Variants in NELL1 observed in about 807,000 individuals in gnomAD.
The protein encoded by NELL1 is protein kinase C-binding protein NELL1.
NELL1 carries 76 observed loss-of-function variants against 107.4 expected under a neutral mutation model. The ratio of observed to expected loss-of-function variants is 0.71; its 90% CI spans 0.59 to 0.86. The LOEUF (loss-of-function observed/expected upper bound fraction) is 0.86, where lower values mean the gene tolerates loss of function less well. NELL1 is among the 40% of genes least tolerant of loss of function. The probability of loss-of-function intolerance (pLI) is 0.00; values close to 1 mark genes in which losing one functional copy is unlikely to be tolerated. For missense variants in NELL1, 1,024 were observed against 1,005.5 expected (o/e 1.02, Z -0.25); for synonymous variants, 353 against 341.2 (o/e 1.03, Z -0.38).
chr11:21,497,789 G>C (rs1017573912), intron 15 of NELL1, among the ~76,000 whole-genome samples: 16 of 152,010 alleles, frequency 1.1e-4, no homozygotes, highest in African/African-American at 3.4e-4. Context: ...ATTTATGTCA[G>C]ATTCTACTTG....
chr11:20,961,089 C>T (rs1224507229), intron 12 of NELL1, among the ~76,000 whole-genome samples: 1 of 152,120 alleles, frequency 6.6e-6, no homozygotes, highest in Non-Finnish European at 1.5e-5. Flanking sequence ...TGGAGGGACT[C>T]ATAACTTTGG....
intron 2 of NELL1, among the ~76,000 whole-genome samples, chr11:20,734,534 T>C (rs1296989747): frequency 1.3e-5 from 2 of 152,016 alleles, no homozygotes; most frequent in Non-Finnish European, 2.9e-5. Flanking sequence ...GACAACAGGA[T>C]GGATTGGATG....
chr11:20,910,966 T>C (rs1214811420), intron 5 of NELL1, among the ~76,000 whole-genome samples: 1 of 152,236 alleles, frequency 6.6e-6, no homozygotes, highest in African/African-American at 2.4e-5. Flanking sequence ...CACATAAAAA[T>C]GCATTTCTTG....
intron 14 of NELL1, among the ~76,000 whole-genome samples, chr11:21,351,019 G>A (rs1250800043): frequency 6.6e-6 from 1 of 151,992 alleles, no homozygotes; most frequent in African/African-American, 2.4e-5. Context: ...TCCAATTACT[G>A]GTATAATTGG....
intron 2 of NELL1, among the ~76,000 whole-genome samples, chr11:20,682,998 GTATT>G (rs1854226102): frequency 1.3e-5 from 2 of 151,956 alleles, no homozygotes; most frequent in South Asian, 4.2e-4. Context: ...TTTCATCAGC[GTATT>G]TAGACTATTT....
intron 6 of NELL1, among the ~76,000 whole-genome samples, chr11:20,918,547 C>T (rs1212396412): frequency 1.3e-5 from 2 of 151,908 alleles, no homozygotes; most frequent in Admixed American, 6.6e-5. Flanking sequence ...GGGGAGGCCT[C>T]GCAATCATAG....
At chr11:21,111,553 T>C (rs1341739781) in intron 12 of NELL1, among the ~76,000 whole-genome samples, 1 of 152,110 alleles carries the variant, frequency 6.6e-6, no homozygotes, top group Non-Finnish European at 1.5e-5. Context: ...TGCTTGCTTA[T>C]GCAACAGGTA....
chr11:21,529,896 T>G (rs1294769478), intron 15 of NELL1, among the ~76,000 whole-genome samples: 1 of 152,182 alleles, frequency 6.6e-6, no homozygotes, highest in Non-Finnish European at 1.5e-5. Flanking sequence ...CAAAGACTTG[T>G]GAAATCTAAA....
intron 15 of NELL1, among the ~76,000 whole-genome samples, chr11:21,400,497 C>G (rs1013330079): frequency 6.6e-6 from 1 of 151,772 alleles, no homozygotes; most frequent in Non-Finnish European, 1.5e-5. Flanking sequence ...TTGAATTTGA[C>G]CCACAACTCC....
chr11:21,172,192 G>A (rs1024648286), intron 13 of NELL1, among the ~76,000 whole-genome samples: 2 of 151,770 alleles, frequency 1.3e-5, no homozygotes, highest in African/African-American at 2.4e-5. Flanking sequence ...TGTCTCCTCA[G>A]CTCCTTCCAA....
chr11:20,800,785 C>T (rs531475000), intron 3 of NELL1, among the ~76,000 whole-genome samples: 1 of 152,232 alleles, frequency 6.6e-6, no homozygotes, highest in African/African-American at 2.4e-5. Flanking sequence ...ATGCAGCCTG[C>T]AGGGCAGGAA....
intron 13 of NELL1, among the ~76,000 whole-genome samples, chr11:21,152,531 G>A (rs897524745): frequency 2.0e-5 from 3 of 152,108 alleles, no homozygotes; most frequent in Non-Finnish European, 2.9e-5. Flanking sequence ...GGGATTGGGC[G>A]GAAGGAAAGG....
chr11:20,878,042 C>G (rs911937555), intron 4 of NELL1, among the ~76,000 whole-genome samples: 3 of 152,110 alleles, frequency 2.0e-5, no homozygotes, highest in African/African-American at 7.2e-5. Context: ...TCAGATTAAG[C>G]AGTAAATCAT....
At chr11:20,847,819 A>C in intron 4 of NELL1, 66 bp downstream of exon 4, 3 of 1,481,654 alleles carry the variant, frequency 2.0e-6, no homozygotes, top group Non-Finnish European at 1.8e-6. Flanking sequence ...AAGGGGAAAA[A>C]ATATCAAATT....
Position 21,298,259 on chromosome 11 carries a change from C to G in NELL1, c.1549+68805C>G, listed in dbSNP as rs981151711. Among the ~76,000 whole-genome samples the G allele has an allele frequency of 7.2e-4, 110 of 151,980 alleles. 2 individuals are homozygous for G. The highest frequency in any genetic ancestry group is 7.2e-3 in the Admixed American group (110 of 15,208). On this transcript the variant is annotated intron_variant, in intron 14 of 19. Coordinates refer to ENST00000357134, the MANE Select transcript of NELL1 (RefSeq NM_006157.5). ...TTATTATTTTCCTTAAGCTAGTTCC[C>G]AGCACCATCAGTAGCTCTGCAAACC...
In NELL1 at chr11:20,707,180, C is replaced by T. The variant is rs568459162; in HGVS notation, c.184+29120C>T. ...GCTACTGAAGCTTGTGCGTTTGTCA[C>T]GTAGTTCTCCTGCCATGGTGTTCAG... On this transcript the variant is annotated intron_variant, in intron 2 of 19. Coordinates refer to ENST00000357134, the MANE Select transcript of NELL1 (RefSeq NM_006157.5). 2.0e-3 allele frequency among the ~76,000 whole-genome samples: 310 copies of T among 152,286 alleles called. 1 individual carries two copies. Among genetic ancestry groups the T allele is most frequent in the South Asian group, 5.0e-3 (24 of 4,826 alleles).
intron 15 of NELL1, among the ~76,000 whole-genome samples, chr11:21,404,010 C>CT (rs765509646): frequency 2.8e-5 from 3 of 108,158 alleles, no homozygotes; most frequent in Non-Finnish European, 3.9e-5. Flanking sequence ...CCTGAACCCC[C>CT]CCCCCCGCAA....
intron 2 of NELL1, among the ~76,000 whole-genome samples, chr11:20,714,966 G>A (rs933137068): frequency 1.3e-5 from 2 of 152,000 alleles, no homozygotes; most frequent in African/African-American, 4.8e-5. Context: ...ATTATAGGAC[G>A]GGAGCGGTGG....
intron 13 of NELL1, among the ~76,000 whole-genome samples, chr11:21,210,731 C>T (rs1256534590): frequency 2.0e-5 from 3 of 152,076 alleles, no homozygotes; most frequent in Non-Finnish European, 4.4e-5. Context: ...TCTGAAGCCT[C>T]GGTATTATTT....
Sources: allele counts gnomAD v4.1 joint callset (sites outside exome capture counted in the v4.1 genomes callset), GRCh38; gene constraint gnomAD v4.1.1; transcripts MANE v1.5; gene names NCBI Gene and HGNC (gene_info 2026-07-23, HGNC 2026-07-21).